Variants in TCF7 observed in about 807,000 individuals in gnomAD.
TCF7 encodes the protein transcription factor 7.
In TCF7, 19 loss-of-function variants were observed where a neutral mutation model predicts 46.8. The ratio of observed to expected loss-of-function variants is 0.41; its 90% CI spans 0.28 to 0.60. TCF7 has a LOEUF of 0.60. Ranked by LOEUF, TCF7 falls within the 20% of genes least tolerant of loss-of-function variation. The probability of loss-of-function intolerance (pLI) is 0.35; values close to 1 mark genes in which losing one functional copy is unlikely to be tolerated. For missense variants in TCF7, 547 were observed against 504.6 expected (o/e 1.08, Z -0.81); for synonymous variants, 245 against 213.4 (o/e 1.15, Z -1.29).
intron 3 of TCF7, among the ~76,000 whole-genome samples, chr5:134,124,146 T>C (rs1757007020): frequency 6.6e-6 from 1 of 152,094 alleles, no homozygotes; most frequent in Non-Finnish European, 1.5e-5. Context: ...GCTCTGTCTC[T>C]AGCAGAGCTC....
In TCF7 at chr5:134,146,235, A is replaced by G. The variant is rs1174967858; in HGVS notation, c.1087A>G (p.Asn363Asp). ...HQESTTGGKR[N>D]AFGTYPEKAA... ...TTCACTATTCCTAGGAGGAAAAAGA[A>G]ATGCATTCGGTACTTACCCGGAGAA... The change falls in exon 10 of 10, where the codon AAT (asparagine) becomes GAT (aspartate). Residue 363 changes from asparagine to aspartate, a missense_variant. Physicochemically the swap from Asn to Asp is conservative, Grantham distance 23. Coordinates refer to ENST00000342854, the MANE Select transcript of TCF7 (RefSeq NM_003202.5). 1.9e-6 allele frequency: 3 copies of G among 1,614,188 alleles called. No individual in the cohort carries two copies. Among genetic ancestry groups the G allele is most frequent in the Non-Finnish European group, 2.5e-6 (3 of 1,180,028 alleles).
At chr5:134,121,048 G>A (rs1756504569) in intron 3 of TCF7, among the ~76,000 whole-genome samples, 2 of 152,146 alleles carry the variant, frequency 1.3e-5, no homozygotes, top group Non-Finnish European at 1.5e-5. Flanking sequence ...CTGGAGGTCT[G>A]AACCCTGGGA....
intron 3 of TCF7, among the ~76,000 whole-genome samples, chr5:134,122,837 C>G (rs1183514213): frequency 1.3e-5 from 2 of 152,214 alleles, no homozygotes; most frequent in Non-Finnish European, 2.9e-5. Context: ...TGGTACAGTG[C>G]ACAGATCCTC....
intron 9 of TCF7, chr5:134,144,664 C>T: frequency 1.5e-6 from 1 of 681,316 alleles, no homozygotes; most frequent in Non-Finnish European, 2.6e-6. Flanking sequence ...GAGAGGCCCA[C>T]TCTGCCTATG....
chr5:134,110,707 C>A (rs1055374360), upstream of TCF7, among the ~76,000 whole-genome samples: 1 of 152,218 alleles, frequency 6.6e-6, no homozygotes, highest in African/African-American at 2.4e-5. Context: ...CAGGAAGAGA[C>A]GCCGCTCACA....
the TCF7 span, among the ~76,000 whole-genome samples, chr5:134,108,561 G>A: frequency 2.8e-4 from 43 of 152,286 alleles, no homozygotes; most frequent in African/African-American, 1.0e-3. Flanking sequence ...ATAAGAGGGT[G>A]AGCTTTCCTC....
At chr5:134,132,302 C>T (rs537939575) in intron 3 of TCF7, among the ~76,000 whole-genome samples, 4 of 152,314 alleles carry the variant, frequency 2.6e-5, no homozygotes, top group Middle Eastern at 3.4e-3. Flanking sequence ...GGAAATACTC[C>T]GCTCACATTA....
chr5:134,115,223 C>A, intron 1 of TCF7, 68 bp downstream of exon 1: 1 of 1,258,450 alleles, frequency 7.9e-7, no homozygotes, highest in Non-Finnish European at 1.0e-6. Context: ...TTGCGCGCGG[C>A]CCTCGGGGTC....
intron 9 of TCF7, chr5:134,143,884 C>T (rs1760272577): frequency 7.6e-6 from 4 of 523,968 alleles, no homozygotes; most frequent in East Asian, 3.3e-5. Flanking sequence ...GTAGATGGTG[C>T]GTTCCTCTGC....
rs551596458 is a variant in TCF7, at chr5:134,128,785, G to A, written c.442-9274G>A. 2.6e-4 allele frequency among the ~76,000 whole-genome samples: 39 copies of A among 152,138 alleles called. 1 individual carries two copies. The highest frequency in any genetic ancestry group is 4.7e-4 in the Non-Finnish European group (32 of 67,990). On this transcript the variant is annotated intron_variant, in intron 3 of 9. Coordinates refer to ENST00000342854, the MANE Select transcript of TCF7 (RefSeq NM_003202.5). ...CCGTGGCGAGAGCACCCCAGCCTCC[G>A]GTGGCTGTCCCACCCCTCCTCACAC...
In TCF7 at chr5:134,114,893, G is replaced by A. The variant is rs1225694960; in HGVS notation, c.-14G>A. On this transcript the variant is annotated 5_prime_UTR_variant, in exon 1 of 10. Coordinates refer to ENST00000342854, the MANE Select transcript of TCF7 (RefSeq NM_003202.5). Reference sequence around the variant, plus strand: ...GGCGCCCAGCGCCCCGCGCCCCGGCGGGCGGAGCGCACCATGCCGCAGCTG... The same window carrying A: ...GGCGCCCAGCGCCCCGCGCCCCGGCAGGCGGAGCGCACCATGCCGCAGCTG... 1 of 994,516 alleles carries A rather than the reference G, an allele frequency of 1.0e-6. No individual in the cohort carries two copies. Among genetic ancestry groups the A allele is most frequent in the Non-Finnish European group, 1.2e-6 (1 of 837,580 alleles). 61.6% of individuals were successfully genotyped at this position (994,516 alleles called of 1,614,324 possible).
intron 3 of TCF7, among the ~76,000 whole-genome samples, chr5:134,122,007 G>C (rs143571447): frequency 1.9e-4 from 29 of 152,306 alleles, no homozygotes; most frequent in Non-Finnish European, 4.1e-4. Context: ...GCGACTGTGA[G>C]CTATTTTGAA....
intron 3 of TCF7, among the ~76,000 whole-genome samples, chr5:134,120,542 C>T (rs1055292949): frequency 3.3e-5 from 5 of 152,184 alleles, no homozygotes; most frequent in African/African-American, 9.7e-5. Flanking sequence ...GGGGGTCTTA[C>T]AGCCAGCAAC....
Position 134,138,148 on chromosome 5 carries a change from C to A in TCF7, c.531C>A (p.Asp177Glu), listed in dbSNP as rs1759189523. ...NSPHPTPAPA[D>E]ISQKQVHRPL... ...CACATCCCACCCCTGCACCTGCGGA[C>A]ATCAGCCAGAAGCAAGGTACAAGCC... The change falls in exon 4 of 10, where the codon GAC becomes GAA. Residue 177 changes from aspartate (D) to glutamate (E), a missense_variant. Coordinates refer to ENST00000342854, the MANE Select transcript of TCF7 (RefSeq NM_003202.5). 6.2e-7 allele frequency: 1 copy of A among 1,613,512 alleles called. No individual in the cohort carries two copies. The highest frequency in any genetic ancestry group is 1.1e-5 in the South Asian group (1 of 91,014).
chr5:134,138,172 C>G lies in TCF7; in HGVS notation c.547+8C>G. 6.2e-7 allele frequency: 1 copy of G among 1,612,052 alleles called. No homozygotes were observed. The highest frequency in any genetic ancestry group is 8.5e-7 in the Non-Finnish European group (1 of 1,178,446). ...ACATCAGCCAGAAGCAAGGTACAAG[C>G]CTGGGATGGGGAGGGGCCCAGTGAA... On this transcript the variant is annotated splice_region_variant and intron_variant, in intron 4 of 9. Transcript: ENST00000342854.
intron 4 of TCF7, 43 bp from the exon 5 acceptor site, chr5:134,138,908 C>T (rs2149341159): frequency 1.2e-6 from 2 of 1,609,170 alleles, no homozygotes; most frequent in Non-Finnish European, 8.5e-7. Context: ...ATATGGCCTG[C>T]CAGGTCAGGC....
chr5:134,139,110 C>G (rs1047058637), intron 5 of TCF7, 72 bp downstream of exon 5: 1 of 1,570,966 alleles, frequency 6.4e-7, no homozygotes, highest in Non-Finnish European at 8.6e-7. Context: ...CTTCCATTTC[C>G]TCCTCCATCC....
In TCF7 at chr5:134,138,936, T is replaced by C. The variant is rs1393113595; in HGVS notation, c.548-15T>C. 2.5e-6 allele frequency: 4 copies of C among 1,613,576 alleles called. No homozygotes were observed. Among genetic ancestry groups the C allele is most frequent in the Non-Finnish European group, 3.4e-6 (4 of 1,179,902 alleles). ...GGTCAGGCTAGCCCACTCACTCAGC[T>C]TCTCTCCTCTGCAGTTCACAGGCCT... On this transcript the variant is annotated splice_polypyrimidine_tract_variant and intron_variant, in intron 4 of 9. Transcript: ENST00000342854.
chr5:134,122,374 C>T (rs1215575089), intron 3 of TCF7, among the ~76,000 whole-genome samples: 1 of 109,348 alleles, frequency 9.1e-6, no homozygotes, highest in Non-Finnish European at 1.6e-5. Context: ...GGGATCCTTC[C>T]CCCCAGGCTC....
Sources: gnomAD v4.1 joint callset for allele counts (sites outside exome capture counted in the v4.1 genomes callset) on GRCh38, gnomAD v4.1.1 for gene constraint, MANE v1.5 for transcripts, NCBI Gene and HGNC (gene_info 2026-07-23, HGNC 2026-07-21) for gene names.